Variants in PCDH11X observed in about 807,000 individuals in gnomAD.
PCDH11X encodes the protein protocadherin-11 X-linked.
In PCDH11X, 18 loss-of-function variants were observed where a neutral mutation model predicts 53.3. That is an observed-to-expected ratio of 0.34 (90% CI 0.23 to 0.50). The LOEUF is 0.50. Among genes scored for constraint, PCDH11X ranks in the 20% least tolerant of loss-of-function variants. PCDH11X has a pLI of 0.98. For synonymous variants in PCDH11X, 279 were observed against 393.3 expected, an observed-to-expected ratio of 0.71 and a Z score of 3.44; for missense variants, 570 against 1,032.4, an observed-to-expected ratio of 0.55 and a Z score of 6.14.
At chrX:92,425,506 G>C (rs1489969698) in intron 9 of PCDH11X, among the ~76,000 whole-genome samples, 1 of 108,931 alleles carries the variant, frequency 9.2e-6, no homozygotes, top group East Asian at 3.0e-4. Flanking sequence ...GAAGACTTGG[G>C]AAGAAGAAAG....
At chrX:91,953,138 C>A (rs1225916924) in intron 6 of PCDH11X, among the ~76,000 whole-genome samples, 1 of 109,296 alleles carries the variant, frequency 9.1e-6, no homozygotes, top group Admixed American at 9.8e-5. Context: ...TCTGATAACA[C>A]AATAGGTTGA....
chrX:92,344,301 A>G (rs750241503), intron 8 of PCDH11X, among the ~76,000 whole-genome samples: 1 of 110,460 alleles, frequency 9.1e-6, no homozygotes, highest in South Asian at 3.9e-4. Flanking sequence ...TTAATTAATA[A>G]TTAGGCAGCA....
rs1198554282 is a variant in PCDH11X, at chrX:92,543,037, C to A, written c.3367+74715C>A. Among the ~76,000 whole-genome samples, 5 of 109,193 alleles carry A rather than the reference C, an allele frequency of 4.6e-5. No individual in the cohort carries two copies. The East Asian group carries it at 1.4e-3, about 31-fold the overall frequency. 94.8% of individuals were successfully genotyped at this position (109,193 alleles called of 115,157 possible). A position where few individuals can be genotyped will look rare whatever the true frequency, so the allele number is the denominator to read the frequency against. The stretch of plus-strand genomic sequence containing the variant: ...CCTTTACAAAATATACTTCTTAAAT[C>A]CAGATTATAACACCACTCACTTCCA... On this transcript the variant is annotated intron_variant, in intron 10 of 10. Transcript: ENST00000682573.
chrX:92,232,442 C>T (rs990294137), intron 7 of PCDH11X, among the ~76,000 whole-genome samples: 2 of 111,520 alleles, frequency 1.8e-5, no homozygotes, highest in African/African-American at 3.3e-5. Flanking sequence ...ACCCTAAATG[C>T]CCTGTATATA....
chrX:91,827,678 A>G (rs1193451358), intron 4 of PCDH11X, among the ~76,000 whole-genome samples: 1 of 110,691 alleles, frequency 9.0e-6, no homozygotes, highest in Non-Finnish European at 1.9e-5. Context: ...GGCTACCCAG[A>G]TGTCCCAGCC....
chrX:91,788,284 C>A (rs2524818), intron 1 of PCDH11X, among the ~76,000 whole-genome samples: 1 of 111,657 alleles, frequency 9.0e-6, no homozygotes, highest in African/African-American at 3.3e-5. Context: ...CTGTTTCCCA[C>A]ATTTTGTATT....
intron 4 of PCDH11X, among the ~76,000 whole-genome samples, chrX:91,830,903 A>C (rs180939129): frequency 6.6e-4 from 74 of 111,721 alleles, no homozygotes; most frequent in African/African-American, 2.1e-3. Flanking sequence ...ATGATTCAGT[A>C]ATTCACATAG....
chrX:92,007,222 C>T (rs1298888451), intron 6 of PCDH11X, among the ~76,000 whole-genome samples: 1 of 111,976 alleles, frequency 8.9e-6, no homozygotes, highest in African/African-American at 3.2e-5. Flanking sequence ...ACCCTATGTG[C>T]GTCCAGAAGA....
At chrX:91,927,239 T>A (rs1031322452) in intron 6 of PCDH11X, among the ~76,000 whole-genome samples, 1 of 108,912 alleles carries the variant, frequency 9.2e-6, no homozygotes, top group Admixed American at 1.0e-4. Flanking sequence ...ATAGTGAAAA[T>A]GTAGTCAATA....
At chrX:92,209,346 C>T (rs1176516942) in intron 7 of PCDH11X, among the ~76,000 whole-genome samples, 1 of 111,997 alleles carries the variant, frequency 8.9e-6, no homozygotes, top group African/African-American at 3.2e-5. Context: ...AACGAGGGTA[C>T]AGGCATTGGG....
intron 6 of PCDH11X, among the ~76,000 whole-genome samples, chrX:92,175,781 T>TACAC (rs1419006123): frequency 8.3e-4 from 67 of 81,128 alleles, no homozygotes; most frequent in Admixed American, 1.3e-3. Context: ...TGTGTGTATA[T>TACAC]ATATACACAC....
chrX:92,508,581 A>G (rs951116877), intron 10 of PCDH11X, among the ~76,000 whole-genome samples: 5 of 111,102 alleles, frequency 4.5e-5, no homozygotes, highest in African/African-American at 1.6e-4. Flanking sequence ...ATAATGCTTT[A>G]TTGATATTTT....
chrX:92,430,828 C>A lies in PCDH11X; in HGVS notation c.3344-37471C>A, dbSNP rs369493049. Among the ~76,000 whole-genome samples the A allele has an allele frequency of 9.4e-4, 102 of 109,033 alleles. 2 individuals carry two copies. In the South Asian group the frequency reaches 0.037, roughly 40 times the overall value. 94.7% of individuals were successfully genotyped at this position (109,033 alleles called of 115,157 possible). On this transcript the variant is annotated intron_variant, in intron 9 of 10. Transcript: ENST00000682573. ...CATAAATAAAAATAAATCAGGTTTACAACTCTGTTTGCAACCATCTGTAAT... is the reference window on the plus strand; with the variant it reads ...CATAAATAAAAATAAATCAGGTTTAAAACTCTGTTTGCAACCATCTGTAAT...
At chrX:91,927,250 T>C in intron 6 of PCDH11X, among the ~76,000 whole-genome samples, 1 of 109,580 alleles carries the variant, frequency 9.1e-6, no homozygotes. Flanking sequence ...GTAGTCAATA[T>C]GATCGCAAGT....
At chrX:92,383,735 T>G (rs376574159) in intron 8 of PCDH11X, among the ~76,000 whole-genome samples, 190 of 112,020 alleles carry the variant, frequency 1.7e-3, no homozygotes, top group African/African-American at 5.8e-3. Context: ...TTGTTGGACA[T>G]TTGGGTTGGT....
intron 6 of PCDH11X, among the ~76,000 whole-genome samples, chrX:91,963,893 C>T (rs1342065140): frequency 1.1e-4 from 12 of 109,851 alleles, no homozygotes; most frequent in Non-Finnish European, 2.3e-4. Flanking sequence ...GGAAAAGCCC[C>T]TTATAAAACC....
chrX:92,590,131 C>A (rs1924877151), intron 10 of PCDH11X, among the ~76,000 whole-genome samples: 2 of 109,476 alleles, frequency 1.8e-5, no homozygotes, highest in South Asian at 8.3e-4. Flanking sequence ...CGTTTCCACC[C>A]CAAGCAATCA....
intron 6 of PCDH11X, among the ~76,000 whole-genome samples, chrX:92,024,759 G>A (rs1335498132): frequency 3.8e-5 from 4 of 104,687 alleles, no homozygotes; most frequent in Non-Finnish European, 5.9e-5. Context: ...CAAAGCTGGA[G>A]GCATCATGCT....
chrX:92,622,663 G>C lies in PCDH11X; in HGVS notation c.*3723G>C, dbSNP rs1928595460. 9.0e-6 allele frequency: 1 copy of C among 111,080 alleles called. No homozygotes were observed. The highest frequency in any genetic ancestry group is 3.3e-5 in the African/African-American group (1 of 30,674). The allele number at this position is 111,080 out of a possible 1,213,427, so 9.2% of individuals were successfully genotyped here. A position where few individuals can be genotyped will look rare whatever the true frequency, so the allele number is the denominator to read the frequency against. On this transcript the variant is annotated 3_prime_UTR_variant, in exon 11 of 11. Coordinates refer to ENST00000682573, the MANE Select transcript of PCDH11X (RefSeq NM_032968.5). Reference sequence around the variant, plus strand: ...ATTGGCCGGGAAAACATGGGAGCAAGAGAAGCTGAAATATATTTCTGCAAG... The same window carrying C: ...ATTGGCCGGGAAAACATGGGAGCAACAGAAGCTGAAATATATTTCTGCAAG...
Sources: allele counts gnomAD v4.1 joint callset (sites outside exome capture counted in the v4.1 genomes callset), GRCh38; gene constraint gnomAD v4.1.1; transcripts MANE v1.5; gene names NCBI Gene and HGNC (gene_info 2026-07-23, HGNC 2026-07-21).